Variants in KLHDC3 observed in about 807,000 individuals in gnomAD.
KLHDC3 encodes kelch domain containing 3.
In KLHDC3, 5 loss-of-function variants were observed where a neutral mutation model predicts 44.1. The ratio of observed to expected loss-of-function variants is 0.11; its 90% CI spans 0.06 to 0.24. KLHDC3 has a LOEUF of 0.24. Ranked by LOEUF, KLHDC3 falls within the 10% of genes least tolerant of loss-of-function variation. The probability of loss-of-function intolerance (pLI) is 1.00; values close to 1 mark genes in which losing one functional copy is unlikely to be tolerated. For missense variants in KLHDC3, 247 were observed against 514.3 expected, an observed-to-expected ratio of 0.48 and a Z score of 5.03; for synonymous variants, 170 against 189.0, an observed-to-expected ratio of 0.90 and a Z score of 0.82.
Position 43,021,185 on chromosome 6 carries a change from G to A in KLHDC3, c.*452G>A. ...GTTGGCATGAGACCTCCTTCTCCCC[G>A]TCTTGGGGAGGTGGGGACCAGCAGA... On this transcript the variant is annotated 3_prime_UTR_variant, in exon 11 of 11. Coordinates refer to ENST00000326974, the MANE Select transcript of KLHDC3 (RefSeq NM_057161.4). 2 of 442,490 alleles carry A rather than the reference G, an allele frequency of 4.5e-6. No homozygotes were observed. Among genetic ancestry groups the A allele is most frequent in the East Asian group, 1.4e-4 (2 of 14,468 alleles). The allele number at this position is 442,490 out of a possible 1,614,324, so 27.4% of individuals were successfully genotyped here. A position where few individuals can be genotyped will look rare whatever the true frequency, so the allele number is the denominator to read the frequency against.
Position 43,017,820 on chromosome 6 carries a change from T to C in KLHDC3, c.332-33T>C, listed in dbSNP as rs1412995230. 6.3e-7 allele frequency: 1 copy of C among 1,594,510 alleles called. No homozygotes were observed. Among genetic ancestry groups the C allele is most frequent in the Non-Finnish European group, 8.6e-7 (1 of 1,163,744 alleles). On this transcript the variant is annotated intron_variant, in intron 3 of 10. Coordinates refer to ENST00000326974, the MANE Select transcript of KLHDC3 (RefSeq NM_057161.4). The surrounding 1 kb of genome is among the most constrained non-coding windows in gnomAD (Gnocchi z 6.0). ...GCTGAGGAGGGACTGTCATAGAGGG[T>C]GCTTAGTTGAGCCATTTTCTCATCT...
At position 43,017,882 on chromosome 6, in the gene KLHDC3, T is replaced by C. The variant is rs1762614910; in HGVS notation, c.361T>C (p.Ser121Pro). The change falls in exon 4 of 11, where the codon TCA (serine) becomes CCA (proline). Residue 121 changes from serine to proline, a missense_variant. By Grantham distance (74) the Ser-to-Pro change is moderately conservative (BLOSUM62 -1). Transcript: ENST00000326974. This position sits in a 1 kb window ranked among gnomAD's most constrained non-coding sequence, Gnocchi z 6.0. ...GCACAAGTGGTTCACACCCCGAGTG[T>C]CAGGGACAGTTCCTGGGGCCCGGGA... ...NTHKWFTPRV[S>P]GTVPGARDGH... 6.2e-7 allele frequency: 1 copy of C among 1,613,948 alleles called. No individual in the cohort carries two copies. The highest frequency in any genetic ancestry group is 1.3e-5 in the African/African-American group (1 of 74,898).
intron 1 of KLHDC3, among the ~76,000 whole-genome samples, chr6:43,015,888 A>G (rs1458160584): frequency 6.8e-6 from 1 of 146,608 alleles, no homozygotes; most frequent in Non-Finnish European, 1.5e-5. Flanking sequence ...ATGACTTCTC[A>G]TGCTGGATCT....
chr6:43,021,056 CA>C lies in KLHDC3; in HGVS notation c.*325del. The C allele has an allele frequency of 5.7e-6, 3 of 522,332 alleles. No homozygotes were observed. Among genetic ancestry groups the C allele is most frequent in the Middle Eastern group, 2.9e-4 (1 of 3,470 alleles). The allele number at this position is 522,332 out of a possible 1,614,324, so 32.4% of individuals were successfully genotyped here. A position where few individuals can be genotyped will look rare whatever the true frequency, so the allele number is the denominator to read the frequency against. ...GAAGGGAATGGGGAGAAGGGAGAAG[CA>C]AGCAGTGTCTGAGCCTCAGGAGCTT... On this transcript the variant is annotated 3_prime_UTR_variant, in exon 11 of 11. Transcript: ENST00000326974.
At chr6:43,019,012 T>C (rs1485448871) in intron 8 of KLHDC3, 41 bp downstream of exon 8, 1 of 1,560,768 alleles carries the variant, frequency 6.4e-7, no homozygotes, top group Non-Finnish European at 8.8e-7. Context: ...AAGTCACTAA[T>C]GGGAGAGTGG....
At chr6:43,020,522 G>A (rs547031355) in intron 10 of KLHDC3, 145 bp from the exon 11 acceptor site, 28 of 648,406 alleles carry the variant, frequency 4.3e-5, no homozygotes, top group Admixed American at 1.2e-4. Flanking sequence ...GTTCAACCTA[G>A]TAGGTCTCTT....
In KLHDC3 at chr6:43,017,268, G is replaced by C. The variant is rs756530769; in HGVS notation, c.76G>C (p.Val26Leu). 6.2e-7 allele frequency: 1 copy of C among 1,614,180 alleles called. No individual in the cohort carries two copies. Among genetic ancestry groups the C allele is most frequent in the African/African-American group, 1.3e-5 (1 of 75,048 alleles). Residue 26 changes from valine to leucine, a missense_variant, in exon 2 of 11, where the codon GTA (valine) becomes CTA (leucine). This residue lies in a region of KLHDC3 where 71 missense variants were observed against 100.8 expected (regional missense o/e 0.70). Coordinates refer to ENST00000326974, the MANE Select transcript of KLHDC3 (RefSeq NM_057161.4). This position sits in a 1 kb window ranked among gnomAD's most constrained non-coding sequence, Gnocchi z 6.0. ...NHAAVAVGHRVYSFGGYCSGE... is the reference protein window; with the variant it reads ...NHAAVAVGHRLYSFGGYCSGE... ...TGCTGCAGTGGCTGTCGGGCATCGG[G>C]TATACTCCTTCGGGGGTTACTGCTC...
At chr6:43,016,016 A>G (rs578074548) in intron 1 of KLHDC3, among the ~76,000 whole-genome samples, 3 of 148,754 alleles carry the variant, frequency 2.0e-5, no homozygotes, top group Non-Finnish European at 4.5e-5. Context: ...GCTCACTCCA[A>G]CCTCCGCCAC....
Position 43,018,832 on chromosome 6 carries a change from G to A in KLHDC3, c.821-31G>A, listed in dbSNP as rs1204711505. 6.4e-7 allele frequency: 1 copy of A among 1,567,400 alleles called. No individual in the cohort carries two copies. The highest frequency in any genetic ancestry group is 1.4e-5 in the African/African-American group (1 of 73,942). On this transcript the variant is annotated intron_variant, in intron 7 of 10. Transcript: ENST00000326974. The surrounding 1 kb of genome is among the most constrained non-coding windows in gnomAD (Gnocchi z 6.0). ...TGGGGAAGATACCTGGACTAGGCAG[G>A]TATTGAACTTCCATATAAATTTCTC...
intron 1 of KLHDC3, among the ~76,000 whole-genome samples, chr6:43,015,554 AAG>A (rs1206401710): frequency 6.6e-6 from 1 of 152,122 alleles, no homozygotes; most frequent in Non-Finnish European, 1.5e-5. Context: ...GGTTGTGTTT[AAG>A]AGACCATGAC....
rs999973145 is a variant in KLHDC3 at position 43,020,991 on chromosome 6, C to T, written c.*258C>T. Reference sequence around the variant, plus strand: ...CACCTCCTTTCAGCTGCTCCTGGGCCTCAGCTCTGCCCAGGGCCAGCCAGG... The same window carrying T: ...CACCTCCTTTCAGCTGCTCCTGGGCTTCAGCTCTGCCCAGGGCCAGCCAGG... On this transcript the variant is annotated 3_prime_UTR_variant, in exon 11 of 11. Coordinates refer to ENST00000326974, the MANE Select transcript of KLHDC3 (RefSeq NM_057161.4). 1.6e-6 allele frequency: 1 copy of T among 621,578 alleles called. No individual in the cohort carries two copies. Among genetic ancestry groups the T allele is most frequent in the Non-Finnish European group, 3.0e-6 (1 of 333,632 alleles). 38.5% of individuals were successfully genotyped at this position (621,578 alleles called of 1,614,324 possible).
rs1042271869 is a variant in KLHDC3 at position 43,020,969 on chromosome 6, C to G, written c.*236C>G. The G allele has an allele frequency of 3.1e-6, 2 of 646,126 alleles. No homozygotes were observed. Among genetic ancestry groups the G allele is most frequent in the African/African-American group, 3.6e-5 (2 of 55,854 alleles). The allele number at this position is 646,126 out of a possible 1,614,324, so 40.0% of individuals were successfully genotyped here. A position where few individuals can be genotyped will look rare whatever the true frequency, so the allele number is the denominator to read the frequency against. Reference sequence around the variant, plus strand: ...CCCTTGGTGCTCTGTCCCCATCCACCTCCTTTCAGCTGCTCCTGGGCCTCA... The same window carrying G: ...CCCTTGGTGCTCTGTCCCCATCCACGTCCTTTCAGCTGCTCCTGGGCCTCA... On this transcript the variant is annotated 3_prime_UTR_variant, in exon 11 of 11. Transcript: ENST00000326974.
rs760220454 is a variant in KLHDC3, at chr6:43,018,292, C to CT, written c.520-50dup. On this transcript the variant is annotated intron_variant, in intron 5 of 10. Transcript: ENST00000326974. This position sits in a 1 kb window ranked among gnomAD's most constrained non-coding sequence, Gnocchi z 6.0. ...ATAGGAAGCTCAGTCAGAGGAGATCCTCTTCCAGTCTTTGTGCTGACCCCT... is the reference window on the plus strand; with the variant it reads ...ATAGGAAGCTCAGTCAGAGGAGATCCTTCTTCCAGTCTTTGTGCTGACCCCT... The CT allele has an allele frequency of 6.3e-7, 1 of 1,587,922 alleles. No individual in the cohort carries two copies. Among genetic ancestry groups the CT allele is most frequent in the South Asian group, 1.1e-5 (1 of 90,580 alleles).
At chr6:43,015,876 C>A (rs1350466234) in intron 1 of KLHDC3, among the ~76,000 whole-genome samples, 1 of 140,148 alleles carries the variant, frequency 7.1e-6, no homozygotes, top group African/African-American at 3.0e-5. Context: ...AAAAAAAAGA[C>A]CATGACTTCT....
rs1762674249 is a variant in KLHDC3, at chr6:43,020,781, T to C, written c.*48T>C. ...CTCCTGAGCCTGCTGTCATCTTCAC[T>C]GCCCCTGCCCATCTGTCACCCACCT... On this transcript the variant is annotated 3_prime_UTR_variant, in exon 11 of 11. Transcript: ENST00000326974. The C allele has an allele frequency of 1.4e-6, 2 of 1,427,496 alleles. No homozygotes were observed. Among genetic ancestry groups the C allele is most frequent in the Non-Finnish European group, 2.0e-6 (2 of 1,009,990 alleles). 88.4% of individuals were successfully genotyped at this position (1,427,496 alleles called of 1,614,324 possible). A position where few individuals can be genotyped will look rare whatever the true frequency, so the allele number is the denominator to read the frequency against.
rs779495704 is a variant in KLHDC3 at position 43,018,444 on chromosome 6, C to T, written c.621C>T (p.Ser207=). 1 of 1,614,162 alleles carries T rather than the reference C, an allele frequency of 6.2e-7. No homozygotes were observed. Among genetic ancestry groups the T allele is most frequent in the Non-Finnish European group, 8.5e-7 (1 of 1,180,008 alleles). ...CCGACCGCTTTGGGCCATTCCATTCCAACAATGAGATTTACTGCAACCGCA... is the reference window on the plus strand; with the variant it reads ...CCGACCGCTTTGGGCCATTCCATTCTAACAATGAGATTTACTGCAACCGCA... ...GRADRFGPFH[S]NNEIYCNRIR... Residue 207 remains serine, a synonymous_variant, in exon 6 of 11, where the codon TCC becomes TCT. Transcript: ENST00000326974. The surrounding 1 kb of genome is among the most constrained non-coding windows in gnomAD (Gnocchi z 6.0).
chr6:43,014,720 C>G (rs1762519179), intron 1 of KLHDC3: 1 of 412,492 alleles, frequency 2.4e-6, no homozygotes, highest in African/African-American at 2.0e-5. Flanking sequence ...GTGGTCAGTG[C>G]ATGCTAATTT....
At chr6:43,019,941 T>A (rs1022956448) in intron 10 of KLHDC3, among the ~76,000 whole-genome samples, 1 of 151,892 alleles carries the variant, frequency 6.6e-6, no homozygotes, top group Middle Eastern at 3.2e-3. Flanking sequence ...CTTCGGGAGG[T>A]TGAGGTGGGC....
At position 43,020,654 on chromosome 6, in the gene KLHDC3, G is replaced by T. The variant is rs201883144; in HGVS notation, c.1083-13G>T. The T allele has an allele frequency of 1.9e-5, 31 of 1,610,116 alleles. No individual in the cohort carries two copies. Among genetic ancestry groups the T allele is most frequent in the Middle Eastern group, 1.6e-4 (1 of 6,076 alleles). ...CCCCCTCTTCTTTCTGTCTCTTATT[G>T]TTGGCCTTCCAGGTGGGAGCTGAAT... is the stretch of plus-strand genomic sequence containing the variant. On this transcript the variant is annotated splice_polypyrimidine_tract_variant and intron_variant, in intron 10 of 10. Transcript: ENST00000326974.
Sources: allele counts gnomAD v4.1 joint callset (sites outside exome capture counted in the v4.1 genomes callset), GRCh38; gene constraint gnomAD v4.1.1; regional missense constraint gnomAD v4.1.1; non-coding constraint Gnocchi (gnomAD v3.1); transcripts MANE v1.5; gene names NCBI Gene and HGNC (gene_info 2026-07-23, HGNC 2026-07-21).